DLG1: variants seen among roughly 807,000 people sequenced by gnomAD.
The protein encoded by DLG1 is disks large homolog 1.
A neutral mutation model predicts 123.4 loss-of-function variants in DLG1; 42 were observed. The ratio of observed to expected loss-of-function variants is 0.34; its 90% CI spans 0.27 to 0.44. DLG1 has a LOEUF of 0.44. Among genes scored for constraint, DLG1 ranks in the 20% least tolerant of loss-of-function variants. The pLI, the probability that DLG1 is intolerant of heterozygous loss-of-function variation, is 1.00. For synonymous variants in DLG1, 317 were observed against 356.2 expected (o/e 0.89, Z 1.24); for missense variants, 942 against 1,082.6 (o/e 0.87, Z 1.82).
At chr3:197,063,595 T>C (rs1489854505) in intron 22 of DLG1, among the ~76,000 whole-genome samples, 2 of 152,258 alleles carry the variant, frequency 1.3e-5, no homozygotes, top group East Asian at 1.9e-4. Context: ...ATTTTGTGAA[T>C]GTAAAATTAA....
At chr3:197,296,617 C>A in intron 2 of DLG1, 140 bp from the exon 3 acceptor site, 1 of 650,128 alleles carries the variant, frequency 1.5e-6, no homozygotes, top group South Asian at 2.6e-5. Context: ...TTCATGTACA[C>A]ATATTCCTTA....
At chr3:197,088,249 C>T (rs1755595725) in intron 15 of DLG1, among the ~76,000 whole-genome samples, 1 of 151,926 alleles carries the variant, frequency 6.6e-6, no homozygotes, top group African/African-American at 2.4e-5. Flanking sequence ...AAAGAAAAAA[C>T]CTCCAAGAAA....
chr3:197,227,948 C>T (rs1740841448), intron 4 of DLG1, among the ~76,000 whole-genome samples: 1 of 152,144 alleles, frequency 6.6e-6, no homozygotes, highest in African/African-American at 2.4e-5. Context: ...CCTTAGAAGC[C>T]TTTATATTTA....
At chr3:197,060,071 A>C in intron 22 of DLG1, 73 bp from the exon 23 acceptor site, 1 of 1,004,038 alleles carries the variant, frequency 1.0e-6, no homozygotes, top group South Asian at 1.4e-5. Context: ...TACTTTTCCT[A>C]CAGGTCCACA....
chr3:197,281,589 G>C (rs758547253), intron 4 of DLG1, among the ~76,000 whole-genome samples: 5 of 152,056 alleles, frequency 3.3e-5, no homozygotes, highest in African/African-American at 4.8e-5. Flanking sequence ...AATTATCCTG[G>C]AAAAAGTGAT....
chr3:197,117,312 A>T (rs758564653), intron 12 of DLG1, among the ~76,000 whole-genome samples: 11 of 152,174 alleles, frequency 7.2e-5, no homozygotes, highest in Admixed American at 3.3e-4. Flanking sequence ...TTACCATATG[A>T]CTCAGCAATT....
intron 10 of DLG1, among the ~76,000 whole-genome samples, chr3:197,135,960 T>C (rs1254789830): frequency 6.6e-6 from 1 of 152,032 alleles, no homozygotes; most frequent in African/African-American, 2.4e-5. Context: ...TATAGGTGTA[T>C]ATCACCAGGT....
chr3:197,266,656 C>T (rs945918941), intron 4 of DLG1, among the ~76,000 whole-genome samples: 5 of 151,914 alleles, frequency 3.3e-5, no homozygotes, highest in African/African-American at 1.2e-4. Context: ...GAAACTAAAT[C>T]AAGCTTCTAG....
At chr3:197,051,292 GA>G (rs1727488088) in intron 24 of DLG1, among the ~76,000 whole-genome samples, 1 of 148,426 alleles carries the variant, frequency 6.7e-6, no homozygotes, top group African/African-American at 2.5e-5. Flanking sequence ...AGAATCGCTT[GA>G]GCCAGGGAGG....
chr3:197,127,437 AAAAAAAAAAAAAAAAAAAAAAT>A (rs1411199673), intron 11 of DLG1, among the ~76,000 whole-genome samples: 22 of 43,718 alleles, frequency 5.0e-4, no homozygotes, highest in East Asian at 1.8e-3. Flanking sequence ...AAAAAAAAAA[AAAAAAAAAAAAAAAAAAAAAAT>A]ATATATATAT....
chr3:197,116,144 G>A, intron 12 of DLG1, 61 bp from the exon 13 acceptor site: 1 of 1,320,278 alleles, frequency 7.6e-7, no homozygotes, highest in East Asian at 2.4e-5. Context: ...CATTCTATCA[G>A]TGAGAACTAC....
chr3:197,187,081 T>C (rs1716518592), intron 5 of DLG1, among the ~76,000 whole-genome samples: 1 of 152,228 alleles, frequency 6.6e-6, no homozygotes, highest in African/African-American at 2.4e-5. Context: ...AAGACAAGAC[T>C]GAGAAGAGTG....
chr3:197,050,948 C>G (rs1727187587), intron 24 of DLG1, among the ~76,000 whole-genome samples: 2 of 152,078 alleles, frequency 1.3e-5, no homozygotes, highest in Admixed American at 1.3e-4. Context: ...GAAAATGGAT[C>G]AAAATTTATA....
At chr3:197,237,997 C>T (rs1746879929) in intron 4 of DLG1, among the ~76,000 whole-genome samples, 1 of 152,184 alleles carries the variant, frequency 6.6e-6, no homozygotes, top group Admixed American at 6.5e-5. Context: ...AAAGCTTCTA[C>T]CCCATGCAGT....
intron 6 of DLG1, among the ~76,000 whole-genome samples, chr3:197,147,079 AACCACAATGTGAT>A (rs1791148236): frequency 6.6e-6 from 1 of 152,180 alleles, no homozygotes; most frequent in South Asian, 2.1e-4. Flanking sequence ...TGAAAATCAA[AACCACAATGTGAT>A]ATTACCTTAC....
intron 24 of DLG1, among the ~76,000 whole-genome samples, chr3:197,051,288 G>A (rs1053347938): frequency 3.4e-5 from 5 of 148,336 alleles, no homozygotes; most frequent in African/African-American, 7.6e-5. Context: ...CAGGAGAATC[G>A]CTTGAGCCAG....
chr3:197,096,639 A>G (rs777483619), intron 14 of DLG1, among the ~76,000 whole-genome samples: 4 of 152,236 alleles, frequency 2.6e-5, no homozygotes, highest in Non-Finnish European at 5.9e-5. Context: ...TTCTTGGTTT[A>G]AGGAAGTATG....
intron 4 of DLG1, among the ~76,000 whole-genome samples, chr3:197,259,765 A>G (rs1017806613): frequency 6.6e-6 from 1 of 152,296 alleles, no homozygotes; most frequent in African/African-American, 2.4e-5. Context: ...GTGCTTGTAC[A>G]AGTCTAATCA....
In DLG1 at chr3:197,179,463, T is replaced by C. The variant is rs935408513; in HGVS notation, c.483+14962A>G. Among the ~76,000 whole-genome samples the C allele has an allele frequency of 5.3e-5, 8 of 152,302 alleles. 1 individual carries two copies. The highest frequency in any genetic ancestry group is 1.9e-4 in the African/African-American group (8 of 41,564). ...TGAGATCTCTGGTTCTTAAAAAAAG[T>C]GGATGGCTTGTACTTACAAATTAAC... On this transcript the variant is annotated intron_variant, in intron 5 of 24. Transcript: ENST00000667157.
Sources: allele counts gnomAD v4.1 joint callset (sites outside exome capture counted in the v4.1 genomes callset), GRCh38; gene constraint gnomAD v4.1.1; transcripts MANE v1.5; gene names NCBI Gene and HGNC (gene_info 2026-07-23, HGNC 2026-07-21).